The following PHACTR2 variants were observed in gnomAD, a reference collection of about 807,000 sequenced individuals.
The protein encoded by PHACTR2 is phosphatase and actin regulator 2.
PHACTR2 carries 30 observed loss-of-function variants against 76.0 expected under a neutral mutation model. The ratio of observed to expected loss-of-function variants is 0.39; its 90% CI spans 0.30 to 0.54. The LOEUF (loss-of-function observed/expected upper bound fraction) is 0.54, where lower values mean the gene tolerates loss of function less well. Ranked by LOEUF, PHACTR2 falls within the 20% of genes least tolerant of loss-of-function variation. PHACTR2 has a pLI of 0.61. For missense variants in PHACTR2, 696 were observed against 781.1 expected, an observed-to-expected ratio of 0.89 and a Z score of 1.30; for synonymous variants, 292 against 292.5, an observed-to-expected ratio of 1.00 and a Z score of 0.02.
rs111732639 is a variant in PHACTR2, at chr6:143,787,080, T to C, written c.1708-1693T>C. Among the ~76,000 whole-genome samples, 362 of 152,322 alleles carry C rather than the reference T, an allele frequency of 2.4e-3. 6 individuals carry two copies. The highest frequency in any genetic ancestry group is 8.5e-3 in the African/African-American group (354 of 41,574). On this transcript the variant is annotated intron_variant, in intron 10 of 12. Coordinates refer to ENST00000440869, the MANE Select transcript of PHACTR2 (RefSeq NM_001100164.2). This position sits in a 1 kb window ranked among gnomAD's most constrained non-coding sequence, Gnocchi z 4.6. ...GGGCACAGTCTTGTGATACAAATCATCTTTCTCAATCCAGCTGGGCCCCTC... is the reference window on the plus strand; with the variant it reads ...GGGCACAGTCTTGTGATACAAATCACCTTTCTCAATCCAGCTGGGCCCCTC...
In PHACTR2 at chr6:143,549,453, G is replaced by GT. The variant is rs1184583510; in HGVS notation, c.217+12253dup. On this transcript the variant is annotated intron_variant, in intron 1 of 11. Coordinates refer to the PHACTR2 transcript ENST00000367584. This position sits in a 1 kb window ranked among gnomAD's most constrained non-coding sequence, Gnocchi z 4.2. ...GTGATTATCCAGATCTGGATTTATT[G>GT]TTTTTTTATGGGGGTGACTGCTCCT... Among the ~76,000 whole-genome samples the GT allele has an allele frequency of 2.0e-5, 3 of 152,012 alleles. No individual in the cohort carries two copies. Among genetic ancestry groups the GT allele is most frequent in the Non-Finnish European group, 2.9e-5 (2 of 67,922 alleles).
rs151050844 is a variant in PHACTR2 at position 143,733,690 on chromosome 6, C to T, written c.215-15295C>T. 3.3e-5 allele frequency among the ~76,000 whole-genome samples: 5 copies of T among 152,196 alleles called. No individual in the cohort carries two copies. The East Asian group carries it at 9.7e-4, about 29-fold the overall frequency. On this transcript the variant is annotated intron_variant, in intron 2 of 12. Transcript: ENST00000440869. This position sits in a 1 kb window ranked among gnomAD's most constrained non-coding sequence, Gnocchi z 4.0. ...CTATTCTCTCATGAATGGATAATGA[C>T]CTTAAGTAACTGTGACTGCTCTGTA...
In PHACTR2 at chr6:143,679,434, G is replaced by T. The variant is rs1009050249; in HGVS notation, c.46+1225G>T. Among the ~76,000 whole-genome samples the T allele has an allele frequency of 6.6e-6, 1 of 152,194 alleles. No individual in the cohort carries two copies. Among genetic ancestry groups the T allele is most frequent in the African/African-American group, 2.4e-5 (1 of 41,452 alleles). On this transcript the variant is annotated intron_variant, in intron 1 of 12. Transcript: ENST00000440869. This position sits in a 1 kb window ranked among gnomAD's most constrained non-coding sequence, Gnocchi z 4.6. Reference sequence around the variant, plus strand: ...TTTTGAGAGATATTTGCGGGGAGGGGTTGAGTAGGATTTTAAATTTAGTAA... The same window carrying T: ...TTTTGAGAGATATTTGCGGGGAGGGTTTGAGTAGGATTTTAAATTTAGTAA...
chr6:143,762,409 G>A (rs1779463705), intron 5 of PHACTR2, among the ~76,000 whole-genome samples: 1 of 152,156 alleles, frequency 6.6e-6, no homozygotes, highest in South Asian at 2.1e-4. Context: ...ATGCTCCTAA[G>A]AGAATAGTAC....
chr6:143,722,515 T>G lies in PHACTR2; in HGVS notation c.214+10332T>G, dbSNP rs1778466052. On this transcript the variant is annotated intron_variant, in intron 2 of 12. Coordinates refer to ENST00000440869, the MANE Select transcript of PHACTR2 (RefSeq NM_001100164.2). The surrounding 1 kb of genome is among the most constrained non-coding windows in gnomAD (Gnocchi z 4.1). ...GAATGCATAATTTTCGTACATATTT[T>G]GGGGTATATGTGATATTTTTATATA... Among the ~76,000 whole-genome samples the G allele has an allele frequency of 1.3e-5, 2 of 152,236 alleles. No individual in the cohort carries two copies. Among genetic ancestry groups the G allele is most frequent in the Non-Finnish European group, 1.5e-5 (1 of 68,030 alleles).
In PHACTR2 at chr6:143,610,925, T is replaced by G. The variant is rs1775964633; in HGVS notation, c.13+2603T>G. On this transcript the variant is annotated intron_variant, in intron 1 of 11. Coordinates refer to the PHACTR2 transcript ENST00000305766. This position sits in a 1 kb window ranked among gnomAD's most constrained non-coding sequence, Gnocchi z 4.9. ...TCTTTTTTTTTCAAATGGCTATTTC[T>G]TCTTAGAAGTTATATAACAAGTCAA... Among the ~76,000 whole-genome samples, 1 of 152,156 alleles carries G rather than the reference T, an allele frequency of 6.6e-6. No homozygotes were observed. Among genetic ancestry groups the G allele is most frequent in the Non-Finnish European group, 1.5e-5 (1 of 68,026 alleles).
chr6:143,749,648 T>C (rs1779143204), intron 3 of PHACTR2, among the ~76,000 whole-genome samples: 3 of 152,192 alleles, frequency 2.0e-5, no homozygotes, highest in African/African-American at 7.2e-5. Flanking sequence ...TCCCTAGCAA[T>C]GATTATTTCT....
rs2876568 is a variant in PHACTR2, at chr6:143,598,837, G to A, written c.217+61630G>A. On this transcript the variant is annotated intron_variant, in intron 1 of 11. Coordinates refer to the PHACTR2 transcript ENST00000367584. The surrounding 1 kb of genome is among the most constrained non-coding windows in gnomAD (Gnocchi z 4.1). ...ACCTCATGTCTCAAAGACTAGCTAA[G>A]TGTTTGCTGTGGTCCTAACAAGTCC... Among the ~76,000 whole-genome samples the A allele has an allele frequency of 0.41, 61,583 of 151,996 alleles. 13,347 individuals carry two copies. Among genetic ancestry groups the A allele is most frequent in the Non-Finnish European group, 0.5 (33,632 of 67,936 alleles).
chr6:143,677,995 G>T lies in PHACTR2; in HGVS notation c.-169G>T. ...CTGGGCAGGATCCGCCGCGCCGGCT[G>T]CGGCCGGCCGGGCTGGGAGACCCGC... On this transcript the variant is annotated 5_prime_UTR_variant, in exon 1 of 13. Coordinates refer to ENST00000440869, the MANE Select transcript of PHACTR2 (RefSeq NM_001100164.2). 2 of 1,444,734 alleles carry T rather than the reference G, an allele frequency of 1.4e-6. No homozygotes were observed. Among genetic ancestry groups the T allele is most frequent in the Non-Finnish European group, 1.8e-6 (2 of 1,095,916 alleles). 89.5% of individuals were successfully genotyped at this position (1,444,734 alleles called of 1,614,324 possible).
rs36070460 is a variant in PHACTR2, at chr6:143,560,882, G to GGTGTGTGT, written c.217+23712_217+23719dup. On this transcript the variant is annotated intron_variant, in intron 1 of 11. Coordinates refer to the PHACTR2 transcript ENST00000367584. ...TGGGATATAAAATGCAAAGCAGAGG[G>GGTGTGTGT]GTGTGTGTGTGTGTGTGTGTGTGTG... is the stretch of plus-strand genomic sequence containing the variant. Among the ~76,000 whole-genome samples the GGTGTGTGT allele has an allele frequency of 4.4e-3, 591 of 133,084 alleles. 2 individuals are homozygous for GGTGTGTGT. The highest frequency in any genetic ancestry group is 5.2e-3 in the African/African-American group (178 of 34,408). The allele number at this position is 133,084 out of a possible 152,430, so 87.3% of individuals were successfully genotyped here.
rs147951008 is a variant in PHACTR2, at chr6:143,624,722, G to A, written c.13+16400G>A. On this transcript the variant is annotated intron_variant, in intron 1 of 11. Transcript: ENST00000305766. The surrounding 1 kb of genome is among the most constrained non-coding windows in gnomAD (Gnocchi z 4.6). Reference sequence around the variant, plus strand: ...AAGCTGGAACCCCACGGTTGCCCTGGATCAGCTGAGGTGGTTACTAGAGAG... The same window carrying A: ...AAGCTGGAACCCCACGGTTGCCCTGAATCAGCTGAGGTGGTTACTAGAGAG... 8.5e-4 allele frequency among the ~76,000 whole-genome samples: 129 copies of A among 152,214 alleles called. No individual in the cohort carries two copies. Among genetic ancestry groups the A allele is most frequent in the Admixed American group, 2.5e-3 (39 of 15,296 alleles).
In PHACTR2 at chr6:143,619,427, T is replaced by C. The variant is rs1328225466; in HGVS notation, c.13+11105T>C. ...CTGTTTCGTGTGCTATTAAGATACT[T>C]GCTTATTGCCAGTGTGAAAGCACAT... On this transcript the variant is annotated intron_variant, in intron 1 of 11. Coordinates refer to the PHACTR2 transcript ENST00000305766. This position sits in a 1 kb window ranked among gnomAD's most constrained non-coding sequence, Gnocchi z 4.5. Among the ~76,000 whole-genome samples, 3 of 152,258 alleles carry C rather than the reference T, an allele frequency of 2.0e-5. No individual in the cohort carries two copies. Among genetic ancestry groups the C allele is most frequent in the South Asian group, 2.1e-4 (1 of 4,834 alleles).
At position 143,684,919 on chromosome 6, in the gene PHACTR2, A is replaced by T. The variant is rs1777480705; in HGVS notation, c.46+6710A>T. Reference sequence around the variant, plus strand: ...TGGCATCTTATTTTGATTATGAGTGATGTAGGACATTTATATTTCTTTTTC... The same window carrying T: ...TGGCATCTTATTTTGATTATGAGTGTTGTAGGACATTTATATTTCTTTTTC... On this transcript the variant is annotated intron_variant, in intron 1 of 12. Coordinates refer to ENST00000440869, the MANE Select transcript of PHACTR2 (RefSeq NM_001100164.2). This position sits in a 1 kb window ranked among gnomAD's most constrained non-coding sequence, Gnocchi z 4.3. Among the ~76,000 whole-genome samples the T allele has an allele frequency of 6.6e-6, 1 of 152,206 alleles. No homozygotes were observed. The highest frequency in any genetic ancestry group is 2.4e-5 in the African/African-American group (1 of 41,458).
intron 1 of PHACTR2, among the ~76,000 whole-genome samples, chr6:143,594,040 T>C (rs1260899281): frequency 2.6e-5 from 4 of 152,224 alleles, no homozygotes; most frequent in Non-Finnish European, 5.9e-5. Flanking sequence ...AAATCTGAAA[T>C]GTGAAATGCT....
chr6:143,620,750 A>T (rs150436738), intron 1 of PHACTR2, among the ~76,000 whole-genome samples: 1 of 152,226 alleles, frequency 6.6e-6, no homozygotes, highest in African/African-American at 2.4e-5. Context: ...TGTGATTTCC[A>T]TTGGCTTTTA....
rs1397092170 is a variant in PHACTR2 at position 143,825,543 on chromosome 6, C to T, written c.*1854C>T. 2.6e-5 allele frequency: 4 copies of T among 151,896 alleles called. No individual in the cohort carries two copies. Among genetic ancestry groups the T allele is most frequent in the African/African-American group, 9.7e-5 (4 of 41,344 alleles). The allele number at this position is 151,896 out of a possible 1,614,324, so 9.4% of individuals were successfully genotyped here. A position where few individuals can be genotyped will look rare whatever the true frequency, so the allele number is the denominator to read the frequency against. On this transcript the variant is annotated 3_prime_UTR_variant, in exon 13 of 13. Coordinates refer to ENST00000440869, the MANE Select transcript of PHACTR2 (RefSeq NM_001100164.2). The surrounding 1 kb of genome is among the most constrained non-coding windows in gnomAD (Gnocchi z 4.1). ...GCTTTGAAAAAATTTTTCTGCATGC[C>T]CAGGTGTCTGTCTCTGGCTGAGGTT... is the stretch of plus-strand genomic sequence containing the variant.
rs534897358 is a variant in PHACTR2 at position 143,679,361 on chromosome 6, T to G, written c.46+1152T>G. On this transcript the variant is annotated intron_variant, in intron 1 of 12. Coordinates refer to ENST00000440869, the MANE Select transcript of PHACTR2 (RefSeq NM_001100164.2). The surrounding 1 kb of genome is among the most constrained non-coding windows in gnomAD (Gnocchi z 4.6). ...AATCAGAATATACCTTCTTTACCAT[T>G]AATGACATGGCTACAGCTCTGAAAT... Among the ~76,000 whole-genome samples the G allele has an allele frequency of 1.2e-4, 18 of 152,310 alleles. No homozygotes were observed. The highest frequency in any genetic ancestry group is 4.3e-4 in the African/African-American group (18 of 41,572).
At position 143,656,901 on chromosome 6, in the gene PHACTR2, ATAT is replaced by A. The variant is rs1353902420; in HGVS notation, c.13+48583_13+48585del. On this transcript the variant is annotated intron_variant, in intron 1 of 11. Transcript: ENST00000305766. This position sits in a 1 kb window ranked among gnomAD's most constrained non-coding sequence, Gnocchi z 5.3. ...CTTGATTGGCCACACGAAAATTTAAATATTATGAATGTTGAATGGCCAACCATA... is the reference window on the plus strand; with the variant it reads ...CTTGATTGGCCACACGAAAATTTAAATATGAATGTTGAATGGCCAACCATA... Among the ~76,000 whole-genome samples, 1 of 152,182 alleles carries A rather than the reference ATAT, an allele frequency of 6.6e-6. No individual in the cohort carries two copies. The highest frequency in any genetic ancestry group is 1.5e-5 in the Non-Finnish European group (1 of 68,024).
rs956132844 is a variant in PHACTR2, at chr6:143,570,647, C to T, written c.217+33440C>T. Among the ~76,000 whole-genome samples, 4 of 152,282 alleles carry T rather than the reference C, an allele frequency of 2.6e-5. No individual in the cohort carries two copies. Among genetic ancestry groups the T allele is most frequent in the South Asian group, 2.1e-4 (1 of 4,822 alleles). On this transcript the variant is annotated intron_variant, in intron 1 of 11. Transcript: ENST00000367584. The surrounding 1 kb of genome is among the most constrained non-coding windows in gnomAD (Gnocchi z 4.6). Reference sequence around the variant, plus strand: ...ACTCTCCTGGGGCTCTCCCTCTCCCCGCTTGCTCTCCTTCCCTAATCCCCA... The same window carrying T: ...ACTCTCCTGGGGCTCTCCCTCTCCCTGCTTGCTCTCCTTCCCTAATCCCCA...
Sources: gnomAD v4.1 joint callset for allele counts (sites outside exome capture counted in the v4.1 genomes callset) on GRCh38, gnomAD v4.1.1 for gene constraint, Gnocchi (gnomAD v3.1) non-coding constraint, MANE v1.5 for transcripts, NCBI Gene and HGNC (gene_info 2026-07-23, HGNC 2026-07-21) for gene names.